KCNH8: variants seen among roughly 807,000 people sequenced by gnomAD.
KCNH8 encodes the protein potassium voltage-gated channel subfamily H member 8.
Under a neutral mutation model 103.6 loss-of-function variants are expected in KCNH8, and 70 were observed. The ratio of observed to expected loss-of-function variants is 0.68; its 90% CI spans 0.56 to 0.82. KCNH8 has a LOEUF of 0.82. Among genes scored for constraint, KCNH8 ranks in the 40% least tolerant of loss-of-function variants. The pLI, the probability that KCNH8 is intolerant of heterozygous loss-of-function variation, is 0.00. For missense variants in KCNH8, 1,217 were observed against 1,329.9 expected, an observed-to-expected ratio of 0.92 and a Z score of 1.32; for synonymous variants, 498 against 489.4, an observed-to-expected ratio of 1.02 and a Z score of -0.23.
chr3:19,480,847 C>G (rs576857515), intron 11 of KCNH8, among the ~76,000 whole-genome samples: 1 of 152,248 alleles, frequency 6.6e-6, no homozygotes, highest in South Asian at 2.1e-4. Flanking sequence ...AATTATCTTT[C>G]CAATTTAAGA....
At chr3:19,270,218 A>G (rs2064568959) in intron 2 of KCNH8, among the ~76,000 whole-genome samples, 1 of 152,160 alleles carries the variant, frequency 6.6e-6, no homozygotes, top group African/African-American at 2.4e-5. Context: ...GACAGAGACC[A>G]TATGCTCTGT....
intron 7 of KCNH8, among the ~76,000 whole-genome samples, chr3:19,414,886 T>G (rs1202396034): frequency 3.3e-5 from 5 of 152,022 alleles, no homozygotes; most frequent in South Asian, 2.1e-4. Flanking sequence ...TTGAAAAAGT[T>G]TATGATTAAT....
At chr3:19,524,319 T>G (rs1440989126) in intron 15 of KCNH8, among the ~76,000 whole-genome samples, 1 of 151,934 alleles carries the variant, frequency 6.6e-6, no homozygotes, top group Non-Finnish European at 1.5e-5. Context: ...AGACTGTACA[T>G]TCACTTTTTG....
intron 7 of KCNH8, among the ~76,000 whole-genome samples, chr3:19,427,128 A>G (rs1351371269): frequency 6.6e-6 from 1 of 152,194 alleles, no homozygotes; most frequent in Non-Finnish European, 1.5e-5. Context: ...TTAGATCTAG[A>G]TATCGACTAG....
chr3:19,454,964 T>A (rs2067508479), intron 10 of KCNH8, among the ~76,000 whole-genome samples: 1 of 152,186 alleles, frequency 6.6e-6, no homozygotes, highest in South Asian at 2.1e-4. Flanking sequence ...AATATTGCCT[T>A]ATAGGGCTAA....
intron 1 of KCNH8, 125 bp downstream of exon 1, chr3:19,148,920 G>T: frequency 1.2e-6 from 1 of 857,426 alleles, no homozygotes; most frequent in Non-Finnish European, 1.9e-6. Flanking sequence ...TCTTGCCAAG[G>T]TATCTTTTGT....
chr3:19,445,638 T>G (rs2067352218), intron 8 of KCNH8, among the ~76,000 whole-genome samples: 1 of 151,890 alleles, frequency 6.6e-6, no homozygotes, highest in Non-Finnish European at 1.5e-5. Context: ...AGTCAAGCAA[T>G]GGAGTACAAT....
At chr3:19,331,065 A>T (rs897781797) in intron 3 of KCNH8, among the ~76,000 whole-genome samples, 1 of 152,066 alleles carries the variant, frequency 6.6e-6, no homozygotes, top group Non-Finnish European at 1.5e-5. Flanking sequence ...CTTACAAGGT[A>T]GTATAAAGTT....
At chr3:19,268,653 A>G (rs568031829) in intron 2 of KCNH8, among the ~76,000 whole-genome samples, 2 of 152,274 alleles carry the variant, frequency 1.3e-5, no homozygotes, top group East Asian at 1.9e-4. Flanking sequence ...GATGATGGTC[A>G]TTAAGGCAGG....
intron 7 of KCNH8, among the ~76,000 whole-genome samples, chr3:19,425,098 A>G (rs1309438700): frequency 1.3e-5 from 2 of 152,218 alleles, no homozygotes; most frequent in African/African-American, 4.8e-5. Flanking sequence ...GAAAACATTT[A>G]AAGTTTGAAA....
At chr3:19,287,120 G>T (rs1472932312) in intron 3 of KCNH8, among the ~76,000 whole-genome samples, 1 of 151,864 alleles carries the variant, frequency 6.6e-6, no homozygotes, top group Non-Finnish European at 1.5e-5. Flanking sequence ...AAAAAAAAAG[G>T]TCATAGGTGA....
At chr3:19,326,480 C>G (rs575586128) in intron 3 of KCNH8, among the ~76,000 whole-genome samples, 1 of 151,430 alleles carries the variant, frequency 6.6e-6, no homozygotes, top group South Asian at 2.1e-4. Flanking sequence ...GTCTCTGGTA[C>G]TTTTTAAACT....
At chr3:19,488,706 G>A (rs937555169) in intron 11 of KCNH8, among the ~76,000 whole-genome samples, 1 of 151,938 alleles carries the variant, frequency 6.6e-6, no homozygotes, top group African/African-American at 2.4e-5. Context: ...CCTGTGTCTG[G>A]TCCCTCGTTC....
intron 1 of KCNH8, among the ~76,000 whole-genome samples, chr3:19,179,834 T>A (rs80067649): frequency 0.011 from 1,738 of 152,260 alleles, 30 homozygotes; most frequent in African/African-American, 0.04. Flanking sequence ...ATGGAAATTA[T>A]GTAAATGACA....
Position 19,501,623 on chromosome 3 carries a change from T to C in KCNH8, c.2041-8740T>C, listed in dbSNP as rs564485787. On this transcript the variant is annotated intron_variant, in intron 11 of 15. Coordinates refer to ENST00000328405, the MANE Select transcript of KCNH8 (RefSeq NM_144633.3). ...CCTGGGATGCAAGGCTGGTTCAACATACGCAAATCAATAAATGTAATCCAG... is the reference window on the plus strand; with the variant it reads ...CCTGGGATGCAAGGCTGGTTCAACACACGCAAATCAATAAATGTAATCCAG... 3.7e-4 allele frequency among the ~76,000 whole-genome samples: 56 copies of C among 152,292 alleles called. 1 individual carries two copies. In the South Asian group the frequency reaches 0.011, roughly 30 times the overall value.
intron 8 of KCNH8, 22 bp downstream of exon 8, chr3:19,438,383 T>A (rs1276476413): frequency 6.3e-7 from 1 of 1,584,458 alleles, no homozygotes; most frequent in South Asian, 1.1e-5. Context: ...TCTTCTTTTA[T>A]ACTAAGAAGA....
At chr3:19,490,433 A>G (rs1384460086) in intron 11 of KCNH8, among the ~76,000 whole-genome samples, 1 of 152,202 alleles carries the variant, frequency 6.6e-6, no homozygotes, top group Non-Finnish European at 1.5e-5. Flanking sequence ...AGCAGGGAGT[A>G]TGTGACTGGG....
chr3:19,429,716 C>T (rs1043454167), intron 7 of KCNH8, among the ~76,000 whole-genome samples: 7 of 152,164 alleles, frequency 4.6e-5, no homozygotes, highest in African/African-American at 1.7e-4. Flanking sequence ...TTCTGATCCT[C>T]TCCCTCCTCC....
intron 3 of KCNH8, among the ~76,000 whole-genome samples, chr3:19,341,894 A>G (rs2065664196): frequency 6.6e-6 from 1 of 152,148 alleles, no homozygotes; most frequent in Admixed American, 6.6e-5. Flanking sequence ...AAAATTTACA[A>G]TGTACATACC....
Sources: allele counts gnomAD v4.1 joint callset (sites outside exome capture counted in the v4.1 genomes callset), GRCh38; gene constraint gnomAD v4.1.1; transcripts MANE v1.5; gene names NCBI Gene and HGNC (gene_info 2026-07-23, HGNC 2026-07-21).